Variants in GPR158 observed in about 807,000 individuals in gnomAD.
The protein encoded by GPR158 is metabotropic glycine receptor.
A neutral mutation model predicts 78.2 loss-of-function variants in GPR158; 30 were observed. The ratio of observed to expected loss-of-function variants is 0.38; its 90% confidence interval spans 0.29 to 0.52. GPR158 has a LOEUF of 0.52. Ranked by LOEUF, GPR158 falls within the 20% of genes least tolerant of loss-of-function variation. The pLI is 0.83. For synonymous variants in GPR158, 581 were observed against 591.1 expected (o/e 0.98, Z 0.25); for missense variants, 1,463 against 1,523.5 (o/e 0.96, Z 0.66).
At chr10:25,386,093 G>A (rs78991696) in intron 2 of GPR158, among the ~76,000 whole-genome samples, 2 of 152,054 alleles carry the variant, frequency 1.3e-5, no homozygotes, top group Non-Finnish European at 2.9e-5. Flanking sequence ...AGTTTTAGGT[G>A]TTATGTTTAA....
At chr10:25,321,019 A>C (rs1447868315) in intron 2 of GPR158, among the ~76,000 whole-genome samples, 1 of 152,176 alleles carries the variant, frequency 6.6e-6, no homozygotes, top group African/African-American at 2.4e-5. Context: ...AGTAATATAA[A>C]TGTTTCTGGA....
chr10:25,418,171 G>C (rs1834690296), intron 4 of GPR158, among the ~76,000 whole-genome samples: 1 of 152,126 alleles, frequency 6.6e-6, no homozygotes, highest in Non-Finnish European at 1.5e-5. Flanking sequence ...ACATAACATA[G>C]TATAGATACG....
chr10:25,574,041 C>T (rs938638872), intron 7 of GPR158, among the ~76,000 whole-genome samples: 5 of 151,328 alleles, frequency 3.3e-5, no homozygotes, highest in African/African-American at 1.2e-4. Context: ...TTTCTACTCA[C>T]CCTGACATTA....
intron 7 of GPR158, among the ~76,000 whole-genome samples, chr10:25,580,930 T>A (rs1319295835): frequency 6.8e-6 from 1 of 147,022 alleles, no homozygotes; most frequent in Admixed American, 6.8e-5. Context: ...TTTATTTTAT[T>A]TTTTTGAGAC....
intron 4 of GPR158, among the ~76,000 whole-genome samples, chr10:25,414,729 C>T (rs114479829): frequency 0.01 from 1,541 of 152,192 alleles, 41 homozygotes; most frequent in African/African-American, 0.035. Flanking sequence ...TCTTTTGTAG[C>T]AATATTGACA....
intron 8 of GPR158, among the ~76,000 whole-genome samples, chr10:25,589,883 T>G (rs1034233917): frequency 6.6e-6 from 1 of 152,212 alleles, no homozygotes; most frequent in Non-Finnish European, 1.5e-5. Context: ...AAAGAAGGAA[T>G]TCTATCATTT....
intron 5 of GPR158, among the ~76,000 whole-genome samples, chr10:25,539,840 A>G (rs1167665241): frequency 6.6e-6 from 1 of 152,214 alleles, no homozygotes; most frequent in Non-Finnish European, 1.5e-5. Context: ...CAAAATTACT[A>G]TGGAATCAAA....
At chr10:25,527,178 TCA>T (rs1263608633) in intron 5 of GPR158, among the ~76,000 whole-genome samples, 1 of 152,200 alleles carries the variant, frequency 6.6e-6, no homozygotes, top group African/African-American at 2.4e-5. Context: ...ATAGATGAAT[TCA>T]CAGTCAAGTC....
intron 1 of GPR158, among the ~76,000 whole-genome samples, chr10:25,179,182 A>G (rs754439263): frequency 6.6e-6 from 1 of 152,250 alleles, no homozygotes; most frequent in Non-Finnish European, 1.5e-5. Flanking sequence ...TAAGATATGC[A>G]TTCTAAAATT....
intron 5 of GPR158, among the ~76,000 whole-genome samples, chr10:25,484,671 A>T (rs1835708617): frequency 6.6e-6 from 1 of 152,182 alleles, no homozygotes; most frequent in Non-Finnish European, 1.5e-5. Flanking sequence ...GAAAATTCTG[A>T]AAAGGGTGAA....
At chr10:25,575,277 A>T (rs1167132578) in intron 7 of GPR158, among the ~76,000 whole-genome samples, 1 of 152,200 alleles carries the variant, frequency 6.6e-6, no homozygotes, top group African/African-American at 2.4e-5. Flanking sequence ...AGAAGCAGAA[A>T]AGTGATATAA....
intron 2 of GPR158, among the ~76,000 whole-genome samples, chr10:25,245,427 AAAAC>A (rs1444624518): frequency 1.3e-5 from 2 of 152,230 alleles, no homozygotes; most frequent in Admixed American, 6.5e-5. Context: ...GATTAAAAAA[AAAAC>A]TAACTCCTGA....
chr10:25,182,447 G>T (rs1036211953), intron 1 of GPR158, among the ~76,000 whole-genome samples: 9 of 152,224 alleles, frequency 5.9e-5, no homozygotes, highest in Non-Finnish European at 1.3e-4. Flanking sequence ...TTCAAAAAAG[G>T]GTTACATGTT....
chr10:25,374,511 A>G (rs1253898906), intron 2 of GPR158, among the ~76,000 whole-genome samples: 1 of 151,794 alleles, frequency 6.6e-6, no homozygotes, highest in African/African-American at 2.4e-5. Flanking sequence ...CACAATTACA[A>G]TACAGAACTT....
chr10:25,194,155 C>T (rs1852813353), intron 1 of GPR158, among the ~76,000 whole-genome samples: 1 of 152,172 alleles, frequency 6.6e-6, no homozygotes, highest in Admixed American at 6.5e-5. Context: ...ACACACGTTG[C>T]TGCTTTTTTA....
chr10:25,567,829 C>T (rs1200221496), intron 6 of GPR158, among the ~76,000 whole-genome samples: 3 of 152,044 alleles, frequency 2.0e-5, no homozygotes, highest in East Asian at 1.9e-4. Flanking sequence ...TGTTGTCCAT[C>T]GTAGGGTGTG....
rs1307720648 is a variant in GPR158 at position 25,598,329 on chromosome 10, G to T, written c.2703G>T (p.Lys901Asn). 6.2e-7 allele frequency: 1 copy of T among 1,614,092 alleles called. No individual in the cohort carries two copies. The highest frequency in any genetic ancestry group is 1.7e-5 in the Admixed American group (1 of 60,010). ...TGHPRTSMLQ[K>N]SLSVIASAKE... is the part of the protein sequence containing the mutation. ...ACCCACGAACATCGATGTTACAGAAGTCTCTCAGTGTCATAGCAAGCGCCA... is the reference window on the plus strand; with the variant it reads ...ACCCACGAACATCGATGTTACAGAATTCTCTCAGTGTCATAGCAAGCGCCA... Residue 901 changes from lysine to asparagine, a missense_variant, in exon 11 of 11, where the codon AAG becomes AAT. Coordinates refer to ENST00000376351, the MANE Select transcript of GPR158 (RefSeq NM_020752.3).
intron 1 of GPR158, among the ~76,000 whole-genome samples, chr10:25,206,995 C>G (rs1037447843): frequency 1.3e-5 from 2 of 151,424 alleles, no homozygotes; most frequent in African/African-American, 4.9e-5. Context: ...CCAAGTCCCA[C>G]GGGGGAAATG....
intron 5 of GPR158, among the ~76,000 whole-genome samples, chr10:25,495,449 C>T (rs563587605): frequency 1.3e-5 from 2 of 151,754 alleles, no homozygotes; most frequent in Middle Eastern, 3.4e-3. Flanking sequence ...CCTGCCATCA[C>T]GCCCGGCCAA....
Sources: gnomAD v4.1 joint callset for allele counts (sites outside exome capture counted in the v4.1 genomes callset) on GRCh38, gnomAD v4.1.1 for gene constraint, MANE v1.5 for transcripts, NCBI Gene and HGNC (gene_info 2026-07-23, HGNC 2026-07-21) for gene names.